STAU2: variants seen among roughly 807,000 people sequenced by gnomAD.
STAU2 encodes staufen double-stranded RNA binding protein 2, also known as double-stranded RNA-binding protein Staufen homolog 2.
STAU2 carries 20 observed loss-of-function variants against 65.9 expected under a neutral mutation model. The observed-to-expected ratio is 0.30, with a 90% CI of 0.21 to 0.44. STAU2 has a LOEUF of 0.44. STAU2 is among the 20% of genes least tolerant of loss of function. The pLI is 1.00. For synonymous variants in STAU2, 232 were observed against 233.9 expected, an observed-to-expected ratio of 0.99 and a Z score of 0.07; for missense variants, 558 against 683.9, an observed-to-expected ratio of 0.82 and a Z score of 2.05.
At chr8:73,715,463 A>AAAAGAAAG (rs528091228) in intron 3 of STAU2, among the ~76,000 whole-genome samples, 1 of 148,226 alleles carries the variant, frequency 6.7e-6, no homozygotes, top group Non-Finnish European at 1.5e-5. Flanking sequence ...AAAAAAAAAA[A>AAAAGAAAG]AAAGAAAGAA....
At chr8:73,427,891 T>C (rs1236747570) in intron 13 of STAU2, among the ~76,000 whole-genome samples, 2 of 152,274 alleles carry the variant, frequency 1.3e-5, no homozygotes, top group Admixed American at 6.5e-5. Flanking sequence ...AATTTATGAA[T>C]TTCTTCCAAA....
chr8:73,727,306 C>A (rs1225794964), intron 3 of STAU2, among the ~76,000 whole-genome samples: 1 of 152,160 alleles, frequency 6.6e-6, no homozygotes, highest in Non-Finnish European at 1.5e-5. Context: ...ACAACTACCA[C>A]CTATACCTAG....
intron 13 of STAU2, among the ~76,000 whole-genome samples, chr8:73,491,329 A>G (rs1293042225): frequency 6.6e-6 from 1 of 152,024 alleles, no homozygotes; most frequent in Non-Finnish European, 1.5e-5. Flanking sequence ...GCAGGCGGTC[A>G]AAGATTTTGC....
At chr8:73,458,602 C>T (rs956632377) in intron 13 of STAU2, 1 of 152,252 alleles carries the variant, frequency 6.6e-6, no homozygotes, top group East Asian at 1.9e-4. Context: ...AAAAAATTCA[C>T]TAACTTGAAT....
chr8:73,687,282 A>AC (rs1818926805), intron 5 of STAU2, among the ~76,000 whole-genome samples: 1 of 45,972 alleles, frequency 2.2e-5, no homozygotes, highest in Non-Finnish European at 3.8e-5. Flanking sequence ...TTACATTTAT[A>AC]AAAATTTATA....
At chr8:73,569,099 C>T (rs1386136610) in intron 12 of STAU2, among the ~76,000 whole-genome samples, 1 of 152,114 alleles carries the variant, frequency 6.6e-6, no homozygotes, top group African/African-American at 2.4e-5. Flanking sequence ...AAAATCAGGA[C>T]ACCGCCACCC....
intron 13 of STAU2, among the ~76,000 whole-genome samples, chr8:73,513,285 ATTTTTG>A (rs1261040476): frequency 6.6e-6 from 1 of 151,868 alleles, no homozygotes; most frequent in Non-Finnish European, 1.5e-5. Flanking sequence ...TTTAAAACTT[ATTTTTG>A]TTTTTATTTT....
chr8:73,479,081 A>G (rs185964693), intron 13 of STAU2, among the ~76,000 whole-genome samples: 20 of 152,190 alleles, frequency 1.3e-4, no homozygotes, highest in Non-Finnish European at 2.2e-4. Flanking sequence ...TGTTTCATCT[A>G]TACCTTCACC....
chr8:73,539,453 A>G (rs189578934), intron 13 of STAU2, among the ~76,000 whole-genome samples: 51 of 152,212 alleles, frequency 3.4e-4, no homozygotes, highest in African/African-American at 1.2e-3. Context: ...AGGACCATAT[A>G]TAAATTCTAG....
chr8:73,732,422 T>C (rs978639502), intron 3 of STAU2, among the ~76,000 whole-genome samples: 1 of 152,250 alleles, frequency 6.6e-6, no homozygotes, highest in Non-Finnish European at 1.5e-5. Flanking sequence ...GATTACACCA[T>C]GGTGTAAATA....
At chr8:73,610,736 C>T (rs1329935403) in intron 9 of STAU2, among the ~76,000 whole-genome samples, 1 of 152,170 alleles carries the variant, frequency 6.6e-6, no homozygotes, top group Non-Finnish European at 1.5e-5. Context: ...AGAAAGCCTT[C>T]TTTGTAGTCT....
intron 13 of STAU2, among the ~76,000 whole-genome samples, chr8:73,547,343 A>G (rs1416919731): frequency 3.1e-5 from 3 of 98,188 alleles, no homozygotes; most frequent in Non-Finnish European, 5.1e-5. Flanking sequence ...TTCTTCAAAC[A>G]TAGTATTTTT....
At chr8:73,568,812 A>G (rs73328739) in intron 12 of STAU2, among the ~76,000 whole-genome samples, 1 of 152,158 alleles carries the variant, frequency 6.6e-6, no homozygotes, top group Non-Finnish European at 1.5e-5. Flanking sequence ...AAATGAAACT[A>G]TAAGAGTTCC....
chr8:73,621,407 A>G (rs1813223395), intron 6 of STAU2, among the ~76,000 whole-genome samples: 1 of 152,170 alleles, frequency 6.6e-6, no homozygotes, highest in Non-Finnish European at 1.5e-5. Context: ...TTCTTTATAA[A>G]TCACCCAGTT....
chr8:73,532,092 G>A (rs989460891), intron 13 of STAU2, among the ~76,000 whole-genome samples: 1 of 152,146 alleles, frequency 6.6e-6, no homozygotes, highest in Non-Finnish European at 1.5e-5. Context: ...GGTTGGATAT[G>A]CGCAGTCATT....
intron 5 of STAU2, among the ~76,000 whole-genome samples, chr8:73,687,296 ATATTTATAAATATAATTTATATT>A (rs1818935346): frequency 7.9e-6 from 1 of 126,570 alleles, no homozygotes; most frequent in African/African-American, 3.2e-5. Context: ...ATTTATATTT[ATATTTATAAATATAATTTATATT>A]TATATTTATA....
chr8:73,647,581 C>CTT (rs1312989276), intron 6 of STAU2, among the ~76,000 whole-genome samples: 5 of 139,090 alleles, frequency 3.6e-5, no homozygotes, highest in Admixed American at 7.2e-5. Flanking sequence ...AATTCTGCAT[C>CTT]TTTTTTTTTT....
intron 13 of STAU2, among the ~76,000 whole-genome samples, chr8:73,510,651 G>A (rs1231274107): frequency 6.6e-6 from 1 of 152,180 alleles, no homozygotes; most frequent in African/African-American, 2.4e-5. Context: ...GGAAGGGGAA[G>A]CAAACACATC....
At chr8:73,628,821 T>G (rs560206109) in intron 6 of STAU2, among the ~76,000 whole-genome samples, 1 of 152,376 alleles carries the variant, frequency 6.6e-6, no homozygotes, top group Admixed American at 6.5e-5. Context: ...ATGATTACGT[T>G]TGCACTAAAA....
Sources: gnomAD v4.1 joint callset for allele counts (sites outside exome capture counted in the v4.1 genomes callset) on GRCh38, gnomAD v4.1.1 for gene constraint, MANE v1.5 for transcripts, NCBI Gene and HGNC (gene_info 2026-07-23, HGNC 2026-07-21) for gene names.